The following EVI5L variants were observed in gnomAD, a reference collection of about 807,000 sequenced individuals.
EVI5L encodes the protein ecotropic viral integration site 5 like.
EVI5L carries 30 observed loss-of-function variants against 106.1 expected under a neutral mutation model. That is an observed-to-expected ratio of 0.28 (90% CI 0.21 to 0.38). The LOEUF (loss-of-function observed/expected upper bound fraction) is 0.38, where lower values mean the gene tolerates loss of function less well. Among genes scored for constraint, EVI5L ranks in the 10% least tolerant of loss-of-function variants. The pLI is 1.00. For synonymous variants in EVI5L, 489 were observed against 483.3 expected (o/e 1.01, Z -0.15); for missense variants, 809 against 1,098.0 (o/e 0.74, Z 3.72).
intron 10 of EVI5L, among the ~76,000 whole-genome samples, chr19:7,855,006 C>G (rs946527838): frequency 1.3e-5 from 2 of 152,148 alleles, no homozygotes; most frequent in African/African-American, 4.8e-5. Context: ...TCTGTACCAC[C>G]TTAGTATCAA....
chr19:7,833,168 A>G (rs1978301493), intron 1 of EVI5L, among the ~76,000 whole-genome samples: 1 of 152,246 alleles, frequency 6.6e-6, no homozygotes, highest in Non-Finnish European at 1.5e-5. Flanking sequence ...TTGAGGGGGC[A>G]GACGGATGAG....
At position 7,858,090 on chromosome 19, in the gene EVI5L, C is replaced by A; in HGVS notation, c.1234-101C>A. On this transcript the variant is annotated intron_variant, in intron 12 of 19. Coordinates refer to ENST00000538904, the MANE Select transcript of EVI5L (RefSeq NM_001159944.3). This position sits in a 1 kb window ranked among gnomAD's most constrained non-coding sequence, Gnocchi z 5.7. ...GGGAGGCCCCCACCTCACTTCCCCC[C>A]ACCTCCACTCTCTGGGCCTCCCCCT... The A allele has an allele frequency of 7.1e-7, 1 of 1,411,628 alleles. No individual in the cohort carries two copies. Among genetic ancestry groups the A allele is most frequent in the Non-Finnish European group, 9.5e-7 (1 of 1,048,290 alleles). The allele number at this position is 1,411,628 out of a possible 1,614,324, so 87.4% of individuals were successfully genotyped here. A position where few individuals can be genotyped will look rare whatever the true frequency, so the allele number is the denominator to read the frequency against.
At position 7,830,242 on chromosome 19, in the gene EVI5L, G is replaced by T. The variant is rs903215737; in HGVS notation, c.-187G>T. ...TGTCAGCGGGTGAAATGGCAGCGGC[G>T]GAGCCGGCGGCGGCCGCGGTCCCGG... On this transcript the variant is annotated 5_prime_UTR_variant, in exon 1 of 20. Transcript: ENST00000538904. 3.9e-5 allele frequency: 6 copies of T among 152,286 alleles called. No homozygotes were observed. The highest frequency in any genetic ancestry group is 1.5e-4 in the African/African-American group (6 of 41,346). The allele number at this position is 152,286 out of a possible 1,614,324, so 9.4% of individuals were successfully genotyped here.
At chr19:7,855,934 C>A in intron 10 of EVI5L, 81 bp from the exon 11 acceptor site, 2 of 1,260,404 alleles carry the variant, frequency 1.6e-6, no homozygotes, top group Non-Finnish European at 2.0e-6. Flanking sequence ...AGGGGACTGA[C>A]CCCGGCAGTG....
chr19:7,847,447 T>C (rs1979004427), intron 2 of EVI5L, among the ~76,000 whole-genome samples: 1 of 151,776 alleles, frequency 6.6e-6, no homozygotes, highest in Admixed American at 6.6e-5. Flanking sequence ...GTTAGCCAGG[T>C]GTGGTGGCAT....
rs1476928120 is a variant in EVI5L at position 7,845,659 on chromosome 19, G to C, written c.-47-837G>C. Among the ~76,000 whole-genome samples the C allele has an allele frequency of 6.6e-6, 1 of 152,212 alleles. No individual in the cohort carries two copies. The highest frequency in any genetic ancestry group is 1.9e-4 in the East Asian group (1 of 5,200). On this transcript the variant is annotated intron_variant, in intron 1 of 19. Transcript: ENST00000538904. This position sits in a 1 kb window ranked among gnomAD's most constrained non-coding sequence, Gnocchi z 4.0. ...CCATGCTTCAGACGCAGATCCATTT[G>C]AGCCCAGTACCTTTGTTTTTGACAT...
At chr19:7,837,453 T>C (rs1222718545) in intron 1 of EVI5L, among the ~76,000 whole-genome samples, 1 of 152,228 alleles carries the variant, frequency 6.6e-6, no homozygotes, top group Non-Finnish European at 1.5e-5. Context: ...CCTCTATAGT[T>C]AATGTCTTCC....
intron 1 of EVI5L, among the ~76,000 whole-genome samples, chr19:7,836,612 A>G (rs575458052): frequency 2.6e-5 from 4 of 151,714 alleles, no homozygotes; most frequent in Non-Finnish European, 4.4e-5. Context: ...TTCTGCTTAC[A>G]CTGTACAGAA....
intron 1 of EVI5L, among the ~76,000 whole-genome samples, chr19:7,830,893 C>T (rs1220395771): frequency 6.7e-6 from 1 of 148,424 alleles, no homozygotes; most frequent in East Asian, 2.0e-4. Context: ...CCACCTCTCC[C>T]CAAGGAGACC....
chr19:7,852,998 G>GC (rs1048939740), intron 8 of EVI5L, 88 bp from the exon 9 acceptor site: 19 of 1,333,648 alleles, frequency 1.4e-5, no homozygotes, highest in Middle Eastern at 1.9e-4. Flanking sequence ...ACCCGTTCCT[G>GC]CCCCCCTCCA....
rs755785387 is a variant in EVI5L, at chr19:7,848,997, C to G, written c.404C>G (p.Pro135Arg). 1 of 1,613,564 alleles carries G rather than the reference C, an allele frequency of 6.2e-7. No individual in the cohort carries two copies. Among genetic ancestry groups the G allele is most frequent in the Non-Finnish European group, 8.5e-7 (1 of 1,180,038 alleles). ...WQLLCSATDM[P>R]VKNQYSELLK... ...CTTCTGTGCAGCGCCACGGACATGC[C>G]CGTCAAGAACCAGTACTCCGAGCTG... Residue 135 changes from proline (P) to arginine (R), a missense_variant, in exon 4 of 20, where the codon CCC (proline) becomes CGC (arginine). Pro to Arg is a moderately radical substitution (Grantham distance 103). Coordinates refer to ENST00000538904, the MANE Select transcript of EVI5L (RefSeq NM_001159944.3). This position sits in a 1 kb window ranked among gnomAD's most constrained non-coding sequence, Gnocchi z 4.8.
rs773202025 is a variant in EVI5L at position 7,863,398 on chromosome 19, C to T, written c.2140-26C>T. ...GGGCGGGGCAGAAGGCCGGTCCACG[C>T]CTGCAGCGCCGGTCCCCCGCCCCAG... On this transcript the variant is annotated intron_variant, in intron 19 of 19. Transcript: ENST00000538904. This position sits in a 1 kb window ranked among gnomAD's most constrained non-coding sequence, Gnocchi z 7.7. 3 of 1,529,920 alleles carry T rather than the reference C, an allele frequency of 2.0e-6. No homozygotes were observed. The South Asian group carries it at 3.7e-5, about 19-fold the overall frequency. The allele number at this position is 1,529,920 out of a possible 1,614,324, so 94.8% of individuals were successfully genotyped here. A position where few individuals can be genotyped will look rare whatever the true frequency, so the allele number is the denominator to read the frequency against.
At chr19:7,839,305 T>TA (rs56135044) in intron 1 of EVI5L, among the ~76,000 whole-genome samples, 12,856 of 143,992 alleles carry the variant, frequency 0.089, 576 homozygotes, top group Non-Finnish European at 0.11. Flanking sequence ...TCCATCCATC[T>TA]AAAAAAAAAA....
intron 1 of EVI5L, among the ~76,000 whole-genome samples, chr19:7,842,789 TGCATAA>T (rs1332466831): frequency 6.6e-6 from 1 of 151,430 alleles, no homozygotes; most frequent in Non-Finnish European, 1.5e-5. Context: ...TGCACAAATA[TGCATAA>T]GCATGTGTAT....
rs1334140229 is a variant in EVI5L, at chr19:7,862,452, T to C, written c.1865T>C (p.Leu622Pro). The change falls in exon 17 of 20, where the codon CTG (leucine) becomes CCG (proline). Residue 622 changes from leucine to proline, a missense_variant. Physicochemically the swap from Leu to Pro is moderately conservative, Grantham distance 98. Transcript: ENST00000538904. ...EAERAALQEK[L>P]QYLAAQNKGL... ...GAGCGCGCGGCGCTGCAGGAGAAGC[T>C]GCAGTACCTGGCTGCACAGAACAAG... The C allele has an allele frequency of 6.2e-7, 1 of 1,609,820 alleles. No individual in the cohort carries two copies.
intron 13 of EVI5L, among the ~76,000 whole-genome samples, chr19:7,859,750 G>C (rs1256605858): frequency 6.6e-6 from 1 of 152,216 alleles, no homozygotes; most frequent in Non-Finnish European, 1.5e-5. Flanking sequence ...TGCAGAGATC[G>C]GGGAGGCCCA....
Position 7,851,394 on chromosome 19 carries a change from G to A in EVI5L, c.754-40G>A, listed in dbSNP as rs376352106. 4.7e-5 allele frequency: 75 copies of A among 1,586,494 alleles called. No individual in the cohort carries two copies. In the Middle Eastern group the frequency reaches 5.0e-4, roughly 11 times the overall value. ...GCCCAGCACCCCCCGGTGGGAGGGC[G>A]TCCCCCTCACTGTGCCCACCCGGCC... On this transcript the variant is annotated intron_variant, in intron 6 of 19. Coordinates refer to ENST00000538904, the MANE Select transcript of EVI5L (RefSeq NM_001159944.3).
chr19:7,839,453 G>T (rs1007700567), intron 1 of EVI5L, among the ~76,000 whole-genome samples: 1 of 152,130 alleles, frequency 6.6e-6, no homozygotes, highest in African/African-American at 2.4e-5. Context: ...GCGAGGCTGG[G>T]AAGGGCATGC....
rs551108099 is a variant in EVI5L at position 7,852,831 on chromosome 19, G to A, written c.988-255G>A. On this transcript the variant is annotated intron_variant, in intron 8 of 19. Coordinates refer to ENST00000538904, the MANE Select transcript of EVI5L (RefSeq NM_001159944.3). ...GGCTTTTAAATCATTGGGATTATAT[G>A]AATGAGCCACCACATCCAGCATCTG... The A allele has an allele frequency of 2.3e-4, 113 of 492,368 alleles. 1 individual carries two copies. The highest frequency in any genetic ancestry group is 1.1e-3 in the Middle Eastern group (2 of 1,768). 30.5% of individuals were successfully genotyped at this position (492,368 alleles called of 1,614,324 possible).
Sources: allele counts gnomAD v4.1 joint callset (sites outside exome capture counted in the v4.1 genomes callset), GRCh38; gene constraint gnomAD v4.1.1; non-coding constraint Gnocchi (gnomAD v3.1); transcripts MANE v1.5; gene names NCBI Gene and HGNC (gene_info 2026-07-23, HGNC 2026-07-21).